The following ASCC3 variants were observed in gnomAD, a reference collection of about 807,000 sequenced individuals.
ASCC3 encodes the protein ASC-1 complex subunit P200.
In ASCC3, 158 loss-of-function variants were observed where a neutral mutation model predicts 256.3. The ratio of observed to expected loss-of-function variants is 0.62; its 90% CI spans 0.54 to 0.70. The LOEUF (loss-of-function observed/expected upper bound fraction) is 0.70. Ranked by LOEUF, ASCC3 falls within the 30% of genes least tolerant of loss-of-function variation. The probability of loss-of-function intolerance (pLI) is 0.00; values close to 1 mark genes in which losing one functional copy is unlikely to be tolerated. For missense variants in ASCC3, 2,259 were observed against 2,626.0 expected (o/e 0.86, Z 3.05); for synonymous variants, 948 against 883.4 (o/e 1.07, Z -1.30).
At chr6:100,559,074 A>C (rs1769786808) in intron 36 of ASCC3, among the ~76,000 whole-genome samples, 1 of 152,204 alleles carries the variant, frequency 6.6e-6, no homozygotes, top group African/African-American at 2.4e-5. Context: ...TGTGAATAGA[A>C]CCACAGGAGA....
intron 36 of ASCC3, among the ~76,000 whole-genome samples, chr6:100,541,110 A>T (rs1397703480): frequency 6.6e-6 from 1 of 152,062 alleles, no homozygotes; most frequent in Non-Finnish European, 1.5e-5. Context: ...AAATAGACTG[A>T]TCTATTTATT....
At chr6:100,533,191 A>T (rs1775001809) in intron 37 of ASCC3, among the ~76,000 whole-genome samples, 2 of 151,886 alleles carry the variant, frequency 1.3e-5, no homozygotes, top group Non-Finnish European at 2.9e-5. Flanking sequence ...TGGATTTTAT[A>T]TATTTTTCTT....
chr6:100,578,132 G>C (rs1474514307), intron 36 of ASCC3, among the ~76,000 whole-genome samples: 1 of 151,982 alleles, frequency 6.6e-6, no homozygotes. Context: ...AAAACTACCA[G>C]GCTGACCCCA....
rs750733980 is a variant in ASCC3 at position 100,662,012 on chromosome 6, C to T, written c.2497G>A (p.Ala833Thr). 8 of 1,613,018 alleles carry T rather than the reference C, an allele frequency of 5.0e-6. No individual in the cohort carries two copies. The highest frequency in any genetic ancestry group is 4.5e-5 in the East Asian group (2 of 44,864). The stretch of plus-strand genomic sequence containing the variant: ...AGGTCAACAAAGGAGCCTCTTTTTG[C>T]AGCATATATTTGTGTTCCCTAGATG... ...VIIKGTQIYA[A>T]KRGSFVDLGI... Residue 833 changes from alanine to threonine, a missense_variant, in exon 16 of 42, where the codon GCA becomes ACA. Ala to Thr is a moderately conservative substitution (Grantham distance 58). Around this residue, in one of 2 missense-constraint regions of ASCC3, gnomAD observed 1,839 missense variants for 2,206.7 expected, o/e 0.83. Transcript: ENST00000369162.
intron 30 of ASCC3, among the ~76,000 whole-genome samples, chr6:100,614,546 G>A (rs80088895): frequency 5.2e-4 from 79 of 152,232 alleles, no homozygotes; most frequent in African/African-American, 7.7e-4. Flanking sequence ...AAGAGATGGC[G>A]CGCAGAGATT....
chr6:100,878,082 G>C (rs1769077862), intron 1 of ASCC3, among the ~76,000 whole-genome samples: 1 of 152,116 alleles, frequency 6.6e-6, no homozygotes, highest in Non-Finnish European at 1.5e-5. Context: ...GCTATTCACA[G>C]TTTCCACCTA....
At chr6:100,603,881 T>C (rs2114800755) in intron 33 of ASCC3, among the ~76,000 whole-genome samples, 1 of 152,222 alleles carries the variant, frequency 6.6e-6, no homozygotes, top group South Asian at 2.1e-4. Context: ...TGAGAGACGT[T>C]TGTTATATTC....
chr6:100,597,702 GTGGCTTATGCC>G (rs888562355), intron 34 of ASCC3, among the ~76,000 whole-genome samples: 1 of 151,608 alleles, frequency 6.6e-6, no homozygotes, highest in Non-Finnish European at 1.5e-5. Flanking sequence ...GCCAGGCGTG[GTGGCTTATGCC>G]TGTAGTCCCA....
intron 8 of ASCC3, among the ~76,000 whole-genome samples, chr6:100,781,904 T>C (rs1219008268): frequency 2.6e-5 from 4 of 151,924 alleles, no homozygotes; most frequent in Non-Finnish European, 5.9e-5. Flanking sequence ...ATTGACTGTT[T>C]ATACCCAATC....
At chr6:100,741,770 T>C (rs1449478659) in intron 10 of ASCC3, among the ~76,000 whole-genome samples, 1 of 152,204 alleles carries the variant, frequency 6.6e-6, no homozygotes, top group Non-Finnish European at 1.5e-5. Flanking sequence ...ATTTTGGCTG[T>C]CAGCTCTCGT....
At chr6:100,591,241 A>T (rs1771984424) in intron 34 of ASCC3, among the ~76,000 whole-genome samples, 1 of 152,094 alleles carries the variant, frequency 6.6e-6, no homozygotes, top group African/African-American at 2.4e-5. Flanking sequence ...CCATTAGAAA[A>T]TATTTCTTTT....
chr6:100,696,496 T>TA (rs1366021624), intron 13 of ASCC3, among the ~76,000 whole-genome samples: 7 of 152,016 alleles, frequency 4.6e-5, no homozygotes, highest in Non-Finnish European at 1.0e-4. Flanking sequence ...TTATTAACTA[T>TA]ATTTACCAAT....
At chr6:100,695,972 C>G (rs1241222678) in intron 13 of ASCC3, among the ~76,000 whole-genome samples, 1 of 152,114 alleles carries the variant, frequency 6.6e-6, no homozygotes, top group African/African-American at 2.4e-5. Context: ...TTAGACACTT[C>G]ACAGTTTCAG....
At chr6:100,695,556 A>T (rs185525015) in intron 13 of ASCC3, among the ~76,000 whole-genome samples, 3 of 152,124 alleles carry the variant, frequency 2.0e-5, no homozygotes, top group African/African-American at 7.2e-5. Context: ...ATTTTCTCCA[A>T]TTCAAAGGGT....
rs556564127 is a variant in ASCC3, at chr6:100,669,146, G to C, written c.2287-6610C>G. On this transcript the variant is annotated intron_variant, in intron 14 of 41. Transcript: ENST00000369162. The stretch of plus-strand genomic sequence containing the variant: ...TCAAAAATTTAATATTTTTATAAAA[G>C]TATTTCTTTTATGAAAACATTTTTC... Among the ~76,000 whole-genome samples the C allele has an allele frequency of 2.7e-5, 4 of 150,290 alleles. No homozygotes were observed. In the East Asian group the frequency reaches 5.8e-4, roughly 22 times the overall value.
At chr6:100,519,220 T>C (rs746431762) in intron 37 of ASCC3, among the ~76,000 whole-genome samples, 30 of 152,134 alleles carry the variant, frequency 2.0e-4, no homozygotes, top group African/African-American at 6.8e-4. Flanking sequence ...GTTAAACGAA[T>C]CTATGGTTTT....
chr6:100,531,767 T>C (rs573582665), intron 37 of ASCC3, among the ~76,000 whole-genome samples: 3 of 152,142 alleles, frequency 2.0e-5, no homozygotes, highest in Non-Finnish European at 4.4e-5. Context: ...TGTTTATATA[T>C]AGTTGTCCTG....
At chr6:100,742,272 CTGT>C (rs1562264917) in intron 10 of ASCC3, among the ~76,000 whole-genome samples, 1 of 151,726 alleles carries the variant, frequency 6.6e-6, no homozygotes, top group African/African-American at 2.4e-5. Context: ...GGGTACTGAC[CTGT>C]TGTTGGCCTG....
At chr6:100,701,659 T>C (rs762650370) in intron 13 of ASCC3, among the ~76,000 whole-genome samples, 1 of 152,036 alleles carries the variant, frequency 6.6e-6, no homozygotes, top group Non-Finnish European at 1.5e-5. Flanking sequence ...TAATAAAGGG[T>C]GACACTAATT....
Sources: gnomAD v4.1 joint callset for allele counts (sites outside exome capture counted in the v4.1 genomes callset) on GRCh38, gnomAD v4.1.1 for gene constraint, gnomAD v4.1.1 regional missense constraint, MANE v1.5 for transcripts, NCBI Gene and HGNC (gene_info 2026-07-23, HGNC 2026-07-21) for gene names.